Variants in MIA2 observed in about 807,000 individuals in gnomAD.
The protein encoded by MIA2 is melanoma inhibitory activity protein 2.
MIA2 carries 127 observed loss-of-function variants against 167.8 expected under a neutral mutation model. That is an observed-to-expected ratio of 0.76 (90% CI 0.66 to 0.88). MIA2 has a LOEUF of 0.88. Ranked by LOEUF, MIA2 falls within the 40% of genes least tolerant of loss-of-function variation. The probability of loss-of-function intolerance (pLI) is 0.00; values close to 1 mark genes in which losing one functional copy is unlikely to be tolerated. For missense variants in MIA2, 1,690 were observed against 1,624.7 expected, an observed-to-expected ratio of 1.04 and a Z score of -0.69; for synonymous variants, 552 against 541.9, an observed-to-expected ratio of 1.02 and a Z score of -0.26.
At chr14:39,367,544 G>A (rs1008678114) in intron 23 of MIA2, among the ~76,000 whole-genome samples, 4 of 152,164 alleles carry the variant, frequency 2.6e-5, no homozygotes, top group Non-Finnish European at 5.9e-5. Flanking sequence ...GTTTGCAGTG[G>A]GAATGTGGAT....
chr14:39,314,818 G>T lies in MIA2; in HGVS notation c.3180+19G>T, dbSNP rs2065067620. On this transcript the variant is annotated intron_variant, in intron 20 of 28. Coordinates refer to ENST00000640607, the MANE Select transcript of MIA2 (RefSeq NM_001329214.4). The stretch of plus-strand genomic sequence containing the variant: ...AGGGCAGGTATATATATATGTGTGT[G>T]TGTGTGTGTGTGTGTGTGTATATAT... 1 of 1,171,608 alleles carries T rather than the reference G, an allele frequency of 8.5e-7. No individual in the cohort carries two copies. Among genetic ancestry groups the T allele is most frequent in the African/African-American group, 1.6e-5 (1 of 64,272 alleles). 72.6% of individuals were successfully genotyped at this position (1,171,608 alleles called of 1,614,324 possible).
chr14:39,354,188 A>G (rs931532639), downstream of MIA2, among the ~76,000 whole-genome samples: 4 of 152,220 alleles, frequency 2.6e-5, no homozygotes, highest in African/African-American at 7.2e-5. Flanking sequence ...CTAACAGTGT[A>G]AAAGTGTTCC....
chr14:39,357,800 C>G (rs1008678354), intron 23 of MIA2, among the ~76,000 whole-genome samples: 3 of 152,092 alleles, frequency 2.0e-5, no homozygotes, highest in Non-Finnish European at 4.4e-5. Context: ...TTTATTTCTC[C>G]TTCACTTATG....
Position 39,252,917 on chromosome 14 carries a change from G to A in MIA2, c.1737G>A (p.Met579Ile). ...AAAATACCCTGCTAAATAGTCAGAT[G>A]GTTTCAACTGATAACTCTTTGTCTT... ...SVENTLLNSQ[M>I]VSTDNSLSSQ... Residue 579 changes from methionine to isoleucine, a missense_variant, in exon 5 of 29, where the codon ATG becomes ATA. Coordinates refer to ENST00000640607, the MANE Select transcript of MIA2 (RefSeq NM_001329214.4). 1 of 1,613,486 alleles carries A rather than the reference G, an allele frequency of 6.2e-7. No individual in the cohort carries two copies. Among genetic ancestry groups the A allele is most frequent in the Non-Finnish European group, 8.5e-7 (1 of 1,179,730 alleles).
At chr14:39,328,686 C>G (rs558102787) in intron 25 of MIA2, among the ~76,000 whole-genome samples, 1 of 152,306 alleles carries the variant, frequency 6.6e-6, no homozygotes, top group South Asian at 2.1e-4. Flanking sequence ...CTGCATAAGG[C>G]TAGCCATTTT....
At chr14:39,349,051 T>G in intron 28 of MIA2, 74 bp downstream of exon 28, 4 of 1,519,688 alleles carry the variant, frequency 2.6e-6, no homozygotes, top group Non-Finnish European at 3.6e-6. Flanking sequence ...TTACTATCTG[T>G]TAATGTAGTA....
At position 39,314,781 on chromosome 14, in the gene MIA2, T is replaced by G. The variant is rs118177774; in HGVS notation, c.3162T>G (p.Ile1054Met). The G allele has an allele frequency of 0.01, 16,137 of 1,603,644 alleles. 98 individuals are homozygous for G. Among genetic ancestry groups the G allele is most frequent in the Non-Finnish European group, 0.013 (14,713 of 1,174,540 alleles). ...TTGAAGAAGAATTGGAGAGAACTAT[T>G]CATTCTTATCAAGGGCAGGTATATA... ...KDLEEELERT[I>M]HSYQGQIISH... The change falls in exon 20 of 29, where the codon ATT becomes ATG. Residue 1054 changes from isoleucine to methionine, a missense_variant. Transcript: ENST00000640607.
chr14:39,310,585 G>A (rs943867393), intron 18 of MIA2, among the ~76,000 whole-genome samples: 1 of 152,066 alleles, frequency 6.6e-6, no homozygotes, highest in African/African-American at 2.4e-5. Context: ...AGCTAACCCT[G>A]TATTACCCTT....
intron 23 of MIA2, among the ~76,000 whole-genome samples, chr14:39,379,186 C>G (rs1334608141): frequency 6.6e-6 from 1 of 151,650 alleles, no homozygotes; most frequent in Non-Finnish European, 1.5e-5. Flanking sequence ...CCAAGAAAAC[C>G]TTGTTAATCT....
chr14:39,302,390 A>C, intron 15 of MIA2, 141 bp downstream of exon 15: 8 of 938,786 alleles, frequency 8.5e-6, no homozygotes, highest in Non-Finnish European at 1.3e-5. Flanking sequence ...GTCCTTTCTC[A>C]CCATCCCTTA....
chr14:39,260,314 G>C (rs1246809351), intron 6 of MIA2, among the ~76,000 whole-genome samples: 4 of 152,188 alleles, frequency 2.6e-5, no homozygotes, highest in Non-Finnish European at 1.5e-5. Flanking sequence ...CTAGTTTACA[G>C]TCCCACCAAC....
intron 16 of MIA2, among the ~76,000 whole-genome samples, chr14:39,303,955 A>T (rs17109100): frequency 0.27 from 41,146 of 151,782 alleles, 5,770 homozygotes; most frequent in East Asian, 0.5. Context: ...TTGCTGATCT[A>T]TGTGAAGTCT....
chr14:39,356,369 A>G (rs994117836), downstream of MIA2, among the ~76,000 whole-genome samples: 1 of 152,004 alleles, frequency 6.6e-6, no homozygotes, highest in Non-Finnish European at 1.5e-5. Context: ...CTCTGATGGT[A>G]GTTTGTATTT....
At chr14:39,331,999 T>A (rs1380198832) in intron 25 of MIA2, among the ~76,000 whole-genome samples, 2 of 152,340 alleles carry the variant, frequency 1.3e-5, no homozygotes, top group East Asian at 3.9e-4. Flanking sequence ...CTTGCTAGGT[T>A]GGGGAAGTTC....
intron 25 of MIA2, among the ~76,000 whole-genome samples, chr14:39,334,494 C>T (rs1271764435): frequency 6.6e-6 from 1 of 151,696 alleles, no homozygotes; most frequent in African/African-American, 2.4e-5. Context: ...AAAAAATGGT[C>T]ACTGAACAGA....
At chr14:39,288,451 A>ATTTTTTTTTTTTTTTTTTTTTTTTT in intron 9 of MIA2, among the ~76,000 whole-genome samples, 1 of 8,790 alleles carries the variant, frequency 1.1e-4, no homozygotes, top group South Asian at 5.2e-3. Flanking sequence ...ATATATATAT[A>ATTTTTTTTTTTTTTTTTTTTTTTTT]TATATATATA....
downstream of MIA2, chr14:39,351,252 A>C (rs1303734659): frequency 6.6e-6 from 1 of 152,010 alleles, no homozygotes; most frequent in Admixed American, 6.6e-5. Flanking sequence ...AAGATAGAAG[A>C]TTAAATATTC....
intron 23 of MIA2, among the ~76,000 whole-genome samples, chr14:39,372,631 A>G (rs1488022529): frequency 6.6e-6 from 1 of 152,250 alleles, no homozygotes; most frequent in African/African-American, 2.4e-5. Context: ...ATAGGAAAGG[A>G]AAATATCCTT....
At chr14:39,374,265 A>G (rs1402756823) in intron 23 of MIA2, among the ~76,000 whole-genome samples, 1 of 152,210 alleles carries the variant, frequency 6.6e-6, no homozygotes, top group African/African-American at 2.4e-5. Flanking sequence ...AAGCAGATAA[A>G]TAAAAGTAGA....
Sources: gnomAD v4.1 joint callset for allele counts (sites outside exome capture counted in the v4.1 genomes callset) on GRCh38, gnomAD v4.1.1 for gene constraint, MANE v1.5 for transcripts, NCBI Gene and HGNC (gene_info 2026-07-23, HGNC 2026-07-21) for gene names.